The following GPC6 variants were observed in gnomAD, a reference collection of about 807,000 sequenced individuals.
The protein encoded by GPC6 is glypican 6.
Under a neutral mutation model 55.2 loss-of-function variants are expected in GPC6, and 14 were observed. That is an observed-to-expected ratio of 0.25 (90% CI 0.17 to 0.40). The LOEUF (loss-of-function observed/expected upper bound fraction) is 0.40, where lower values mean the gene tolerates loss of function less well. Ranked by LOEUF, GPC6 falls within the 10% of genes least tolerant of loss-of-function variation. The pLI, the probability that GPC6 is intolerant of heterozygous loss-of-function variation, is 1.00. For synonymous variants in GPC6, 278 were observed against 259.6 expected (o/e 1.07, Z -0.68); for missense variants, 641 against 708.5 (o/e 0.90, Z 1.08).
At chr13:94,247,454 T>A (rs1017029149) in intron 4 of GPC6, among the ~76,000 whole-genome samples, 1 of 152,138 alleles carries the variant, frequency 6.6e-6, no homozygotes, top group African/African-American at 2.4e-5. Flanking sequence ...TTTCAGTTTC[T>A]CCCTCTTGAT....
chr13:93,402,567 C>G lies in GPC6; in HGVS notation c.161-142696C>G, dbSNP rs1435034880. On this transcript the variant is annotated intron_variant, in intron 1 of 8. Coordinates refer to ENST00000377047, the MANE Select transcript of GPC6 (RefSeq NM_005708.5). ...GCTGAGGAAATTGCCATGGCCAGGC[C>G]GGTCTGAATTTAGGGCTTGTGTCCT... is the stretch of plus-strand genomic sequence containing the variant. Among the ~76,000 whole-genome samples the G allele has an allele frequency of 2.6e-5, 4 of 152,054 alleles. No individual in the cohort carries two copies. The South Asian group carries it at 8.3e-4, about 32-fold the overall frequency.
intron 3 of GPC6, among the ~76,000 whole-genome samples, chr13:93,852,005 TCA>T (rs561852974): frequency 2.6e-5 from 4 of 151,818 alleles, no homozygotes; most frequent in African/African-American, 9.6e-5. Context: ...GTCTATAATA[TCA>T]CAGTTTTACA....
At chr13:93,602,350 GA>G in intron 2 of GPC6, among the ~76,000 whole-genome samples, 1 of 152,230 alleles carries the variant, frequency 6.6e-6, no homozygotes, top group South Asian at 2.1e-4. Flanking sequence ...ATCCTTTTCT[GA>G]ACTTTCATGA....
At chr13:93,867,550 T>G (rs917492374) in intron 3 of GPC6, among the ~76,000 whole-genome samples, 2 of 151,730 alleles carry the variant, frequency 1.3e-5, no homozygotes, top group Non-Finnish European at 2.9e-5. Context: ...TGTAATAAGC[T>G]CTCAAGAAAG....
At chr13:93,349,048 G>A (rs1880527147) in intron 1 of GPC6, among the ~76,000 whole-genome samples, 1 of 152,146 alleles carries the variant, frequency 6.6e-6, no homozygotes. Context: ...AGAATAATGT[G>A]CCGAGATGTA....
intron 1 of GPC6, among the ~76,000 whole-genome samples, chr13:93,424,259 G>A (rs1877035642): frequency 6.6e-6 from 1 of 152,196 alleles, no homozygotes; most frequent in Non-Finnish European, 1.5e-5. Flanking sequence ...GTCCTTCAGA[G>A]CTCTCAAGAT....
At chr13:93,587,818 T>G (rs1877276315) in intron 2 of GPC6, among the ~76,000 whole-genome samples, 1 of 152,148 alleles carries the variant, frequency 6.6e-6, no homozygotes, top group East Asian at 1.9e-4. Flanking sequence ...CTTTAAATAC[T>G]TTACACAGCT....
intron 4 of GPC6, among the ~76,000 whole-genome samples, chr13:94,136,689 G>A (rs1367644981): frequency 2.0e-5 from 3 of 152,124 alleles, no homozygotes; most frequent in African/African-American, 2.4e-5. Flanking sequence ...CAGCCTGGGC[G>A]ACAGAGCGAG....
chr13:93,344,504 A>G (rs181542228), intron 1 of GPC6, among the ~76,000 whole-genome samples: 11 of 152,308 alleles, frequency 7.2e-5, no homozygotes, highest in African/African-American at 2.6e-4. Context: ...TTTCATCAAT[A>G]AAGTAGGCTA....
chr13:94,023,448 G>A (rs1234657582), intron 3 of GPC6, among the ~76,000 whole-genome samples: 2 of 151,826 alleles, frequency 1.3e-5, no homozygotes, highest in African/African-American at 4.8e-5. Context: ...ATACACCCAT[G>A]GAAAGGCTAA....
At chr13:93,321,496 C>A (rs944233779) in intron 1 of GPC6, among the ~76,000 whole-genome samples, 5 of 152,108 alleles carry the variant, frequency 3.3e-5, no homozygotes, top group Admixed American at 1.3e-4. Context: ...AAAAATCCTT[C>A]TCTGATTCCA....
intron 4 of GPC6, among the ~76,000 whole-genome samples, chr13:94,241,300 T>A (rs1891046292): frequency 6.6e-6 from 1 of 152,158 alleles, no homozygotes; most frequent in Non-Finnish European, 1.5e-5. Flanking sequence ...TATGGTATTC[T>A]ATTCTAGCAG....
At chr13:93,691,934 T>C (rs1882272672) in intron 2 of GPC6, among the ~76,000 whole-genome samples, 2 of 152,072 alleles carry the variant, frequency 1.3e-5, no homozygotes, top group African/African-American at 4.8e-5. Context: ...ACAACTAATA[T>C]ATATACTTCA....
chr13:93,480,513 C>A (rs1489170389), intron 1 of GPC6, among the ~76,000 whole-genome samples: 1 of 152,130 alleles, frequency 6.6e-6, no homozygotes, highest in East Asian at 1.9e-4. Flanking sequence ...AATTTACACA[C>A]AATAAAGCTC....
chr13:93,785,492 T>C lies in GPC6; in HGVS notation c.320-44662T>C, dbSNP rs1885791398. Among the ~76,000 whole-genome samples, 3 of 152,128 alleles carry C rather than the reference T, an allele frequency of 2.0e-5. No individual in the cohort carries two copies. In the South Asian group the frequency reaches 6.2e-4, roughly 32 times the overall value. On this transcript the variant is annotated intron_variant, in intron 2 of 8. Coordinates refer to ENST00000377047, the MANE Select transcript of GPC6 (RefSeq NM_005708.5). The stretch of plus-strand genomic sequence containing the variant: ...TTTAAGTAAATGGCTCAATTGTTTC[T>C]GACACAGATGGTACGTAGATCACGA...
intron 1 of GPC6, among the ~76,000 whole-genome samples, chr13:93,321,800 T>G (rs141512111): frequency 0.014 from 2,181 of 152,248 alleles, 21 homozygotes; most frequent in Non-Finnish European, 0.022. Flanking sequence ...AAAATACAAG[T>G]TGCCCCTGAT....
At chr13:93,952,901 G>GTATATA (rs35321617) in intron 3 of GPC6, among the ~76,000 whole-genome samples, 1 of 147,056 alleles carries the variant, frequency 6.8e-6, no homozygotes, top group Non-Finnish European at 1.5e-5. Context: ...ATATATACGT[G>GTATATA]TATATATGTA....
At chr13:93,571,865 C>T (rs1256033848) in intron 2 of GPC6, among the ~76,000 whole-genome samples, 2 of 151,770 alleles carry the variant, frequency 1.3e-5, no homozygotes, top group Non-Finnish European at 2.9e-5. Flanking sequence ...CCATTTTATT[C>T]ACAAATTAAA....
At chr13:93,556,373 A>T (rs1385556556) in intron 2 of GPC6, among the ~76,000 whole-genome samples, 1 of 134,180 alleles carries the variant, frequency 7.5e-6, no homozygotes, top group Non-Finnish European at 1.6e-5. Flanking sequence ...GTGGGTAAAT[A>T]GTGTGTGTGT....
Sources: gnomAD v4.1 joint callset for allele counts (sites outside exome capture counted in the v4.1 genomes callset) on GRCh38, gnomAD v4.1.1 for gene constraint, MANE v1.5 for transcripts, NCBI Gene and HGNC (gene_info 2026-07-23, HGNC 2026-07-21) for gene names.